The following USP54 variants were observed in gnomAD, a reference collection of about 807,000 sequenced individuals.
USP54 encodes the protein ubiquitin carboxyl-terminal hydrolase 54.
In USP54, 87 loss-of-function variants were observed where a neutral mutation model predicts 170.5. That is an observed-to-expected ratio of 0.51 (90% CI 0.43 to 0.61). USP54 has a LOEUF of 0.61. Among genes scored for constraint, USP54 ranks in the 20% least tolerant of loss-of-function variants. The probability of loss-of-function intolerance (pLI) is 0.00; values close to 1 mark genes in which losing one functional copy is unlikely to be tolerated. For synonymous variants in USP54, 655 were observed against 742.8 expected (o/e 0.88, Z 1.92); for missense variants, 1,786 against 2,047.8 (o/e 0.87, Z 2.47).
chr10:73,556,345 CTT>C (rs954299268), intron 4 of USP54, among the ~76,000 whole-genome samples: 15 of 133,796 alleles, frequency 1.1e-4, no homozygotes, highest in Non-Finnish European at 1.6e-4. Flanking sequence ...CTTTTTTTTT[CTT>C]TTTTTTTTTT....
intron 1 of USP54, among the ~76,000 whole-genome samples, chr10:73,588,785 A>C (rs1392731869): frequency 6.6e-6 from 1 of 152,226 alleles, no homozygotes; most frequent in Non-Finnish European, 1.5e-5. Context: ...TGTTCTGTGC[A>C]CATGCCCAGT....
chr10:73,576,503 AAAG>A (rs2076123184), intron 1 of USP54, 142 bp from the exon 2 acceptor site: 1 of 151,102 alleles, frequency 6.6e-6, no homozygotes, highest in Non-Finnish European at 1.5e-5. Context: ...AAAAAGAAAA[AAAG>A]AAAAAAAAAA....
intron 1 of USP54, among the ~76,000 whole-genome samples, 183 bp downstream of exon 1, chr10:73,591,095 C>T (rs1039879309): frequency 1.3e-5 from 2 of 151,586 alleles, no homozygotes; most frequent in African/African-American, 2.4e-5. Context: ...TTGAAAGATG[C>T]CTCTTGAAAG....
Position 73,505,393 on chromosome 10 carries a change from G to A in USP54, c.4085C>T (p.Ser1362Leu), listed in dbSNP as rs754159502. 1 of 1,614,128 alleles carries A rather than the reference G, an allele frequency of 6.2e-7. No individual in the cohort carries two copies. The highest frequency in any genetic ancestry group is 8.5e-7 in the Non-Finnish European group (1 of 1,180,014). Residue 1362 changes from serine (S) to leucine (L), a missense_variant, in exon 21 of 24, where the codon TCA (serine) becomes TTA (leucine). Physicochemically the swap from Ser to Leu is moderately radical, Grantham distance 145. This residue lies in a region of USP54 where 1,418 missense variants were observed against 1,569.0 expected (regional missense o/e 0.90). Transcript: ENST00000687698. ...CTTTGAGAGACCAGGATCATGGGCTGAGTGCAACCTCCTCCCCATGCCATC... is the reference window on the plus strand; with the variant it reads ...CTTTGAGAGACCAGGATCATGGGCTAAGTGCAACCTCCTCCCCATGCCATC... ...SADGMGRRLH[S>L]AHDPGLSKTS...
chr10:73,498,858 C>T lies in USP54; in HGVS notation c.4826G>A (p.Ser1609Asn). The part of the protein sequence containing the change: ...IVHPVYPPSS[S>N]LHVPLRSAWN... Reference sequence around the variant, plus strand: ...AGCTGACCTCAGGGGTACATGAAGACTGCTAGATGGTGGGTACACAGGATG... The same window carrying T: ...AGCTGACCTCAGGGGTACATGAAGATTGCTAGATGGTGGGTACACAGGATG... The change falls in exon 24 of 24, where the codon AGT becomes AAT. Residue 1609 changes from serine (S) to asparagine (N), a missense_variant. Physicochemically the swap from Ser to Asn is conservative, Grantham distance 46 (BLOSUM62 1). This residue lies in a region of USP54 where 1,418 missense variants were observed against 1,569.0 expected (regional missense o/e 0.90). Coordinates refer to ENST00000687698, the MANE Select transcript of USP54 (RefSeq NM_001391956.1). 1 of 1,607,240 alleles carries T rather than the reference C, an allele frequency of 6.2e-7. No homozygotes were observed.
chr10:73,574,668 T>G (rs536770602), intron 3 of USP54, among the ~76,000 whole-genome samples: 1 of 151,866 alleles, frequency 6.6e-6, no homozygotes, highest in Admixed American at 6.5e-5. Flanking sequence ...TTCCACCTAC[T>G]TGGGTGGCTG....
chr10:73,603,376 T>C (rs1250583315), intron 1 of USP54, among the ~76,000 whole-genome samples: 1 of 151,962 alleles, frequency 6.6e-6, no homozygotes, highest in Non-Finnish European at 1.5e-5. Flanking sequence ...TGGGAGAAAA[T>C]ATTTGTAAAT....
chr10:73,621,131 G>A (rs987270294), intron 1 of USP54, among the ~76,000 whole-genome samples: 1 of 149,884 alleles, frequency 6.7e-6, no homozygotes, highest in African/African-American at 2.5e-5. Context: ...ACTCCGGCCT[G>A]GGTGACAGAG....
At chr10:73,600,929 C>G (rs2079121003) in intron 1 of USP54, among the ~76,000 whole-genome samples, 1 of 152,138 alleles carries the variant, frequency 6.6e-6, no homozygotes, top group African/African-American at 2.4e-5. Context: ...AACTACCTAT[C>G]AGGTACTATG....
chr10:73,500,856 C>CA lies in USP54; in HGVS notation c.4312-19dup. 6.3e-7 allele frequency: 1 copy of CA among 1,580,748 alleles called. No individual in the cohort carries two copies. The highest frequency in any genetic ancestry group is 2.0e-5 in the Admixed American group (1 of 50,970). The stretch of plus-strand genomic sequence containing the variant: ...GATGAATCCTTATAATGAGACAAGA[C>CA]AAAAAAACATAGAGATGAGGATTAA... On this transcript the variant is annotated intron_variant, in intron 22 of 23. Transcript: ENST00000687698.
intron 22 of USP54, 81 bp downstream of exon 22, chr10:73,504,769 T>G: frequency 6.3e-7 from 1 of 1,586,102 alleles, no homozygotes; most frequent in Non-Finnish European, 8.6e-7. Flanking sequence ...CTTCACTTTC[T>G]CCCTGCTTCT....
chr10:73,534,516 C>T (rs550502775), intron 12 of USP54, 84 bp downstream of exon 12: 42 of 1,499,740 alleles, frequency 2.8e-5, no homozygotes, highest in African/African-American at 9.7e-5. Flanking sequence ...TGAGCCACTG[C>T]GCCTGGCCTC....
intron 15 of USP54, among the ~76,000 whole-genome samples, chr10:73,527,787 C>CCCAG (rs952253287): frequency 5.4e-5 from 8 of 149,072 alleles, no homozygotes; most frequent in African/African-American, 2.0e-4. Flanking sequence ...ATCACTTGAG[C>CCCAG]CCAGGAGTTC....
At chr10:73,516,140 C>T (rs2061039591) in intron 20 of USP54, among the ~76,000 whole-genome samples, 1 of 152,140 alleles carries the variant, frequency 6.6e-6, no homozygotes, top group Non-Finnish European at 1.5e-5. Context: ...TTAGTAATCT[C>T]TTACTTTAGA....
rs556402135 is a variant in USP54 at position 73,620,709 on chromosome 10, G to A, written c.-18+4858C>T. Among the ~76,000 whole-genome samples the A allele has an allele frequency of 4.0e-5, 6 of 150,412 alleles. 1 individual carries two copies. The highest frequency in any genetic ancestry group is 2.1e-4 in the South Asian group (1 of 4,820). On this transcript the variant is annotated intron_variant, in intron 1 of 22. Transcript: ENST00000339859. The stretch of plus-strand genomic sequence containing the variant: ...TCCCAGCACTTTGGGAGGCCAAAGC[G>A]GGTCAATCATCTGAGGTCAGGACTT...
chr10:73,598,898 G>A (rs1393942051), intron 1 of USP54, among the ~76,000 whole-genome samples: 1 of 151,280 alleles, frequency 6.6e-6, no homozygotes, highest in Non-Finnish European at 1.5e-5. Context: ...CCAGCCTGGC[G>A]ACAGAGAGAG....
intron 1 of USP54, among the ~76,000 whole-genome samples, chr10:73,623,614 G>A (rs533648239): frequency 6.6e-6 from 1 of 152,300 alleles, no homozygotes; most frequent in South Asian, 2.1e-4. Context: ...TCTTGCCACT[G>A]CACTCCAGCC....
chr10:73,567,298 T>G (rs545212324), intron 4 of USP54, among the ~76,000 whole-genome samples: 2 of 152,372 alleles, frequency 1.3e-5, no homozygotes, highest in East Asian at 3.9e-4. Flanking sequence ...TTGTAAGATT[T>G]ATTCATATTT....
At position 73,534,637 on chromosome 10, in the gene USP54, C is replaced by T; in HGVS notation, c.1278G>A (p.Val426=). ...TGCTCTGAGACATGGAATCATTTTC[C>T]ACATTATAGATGACTGTCCCCTGAG... ...SDSQGTVIYN[V]ENDSMSQSSR... The change falls in exon 12 of 24, where the codon GTG becomes GTA. Residue 426 remains valine, a synonymous_variant. Coordinates refer to ENST00000687698, the MANE Select transcript of USP54 (RefSeq NM_001391956.1). The T allele has an allele frequency of 6.2e-7, 1 of 1,614,102 alleles. No individual in the cohort carries two copies. Among genetic ancestry groups the T allele is most frequent in the Non-Finnish European group, 8.5e-7 (1 of 1,180,002 alleles).
Sources: gnomAD v4.1 joint callset for allele counts (sites outside exome capture counted in the v4.1 genomes callset) on GRCh38, gnomAD v4.1.1 for gene constraint, gnomAD v4.1.1 regional missense constraint, MANE v1.5 for transcripts, NCBI Gene and HGNC (gene_info 2026-07-23, HGNC 2026-07-21) for gene names.